CACNA1E: variants seen among roughly 807,000 people sequenced by gnomAD.
CACNA1E encodes the protein calcium voltage-gated channel subunit alpha1 E.
In CACNA1E, 40 loss-of-function variants were observed where a neutral mutation model predicts 259.2. The ratio of observed to expected loss-of-function variants is 0.15; its 90% CI spans 0.12 to 0.20. The LOEUF (loss-of-function observed/expected upper bound fraction) is 0.20, where lower values mean the gene tolerates loss of function less well. CACNA1E is among the 10% of genes least tolerant of loss of function. The pLI, the probability that CACNA1E is intolerant of heterozygous loss-of-function variation, is 1.00. For synonymous variants in CACNA1E, 1,104 were observed against 1,138.5 expected (o/e 0.97, Z 0.61); for missense variants, 1,874 against 3,040.1 (o/e 0.62, Z 9.02).
At chr1:181,402,523 T>C (rs1657175580) in intron 1 of CACNA1E, among the ~76,000 whole-genome samples, 2 of 152,250 alleles carry the variant, frequency 1.3e-5, no homozygotes, top group South Asian at 4.1e-4. Flanking sequence ...TGCTCTGTGA[T>C]GATGCTGCTT....
intron 3 of CACNA1E, among the ~76,000 whole-genome samples, chr1:181,568,661 T>C (rs1650090438): frequency 1.3e-5 from 2 of 152,180 alleles, no homozygotes; most frequent in African/African-American, 4.8e-5. Context: ...AGTGGCATGA[T>C]CGTGATTCAC....
At chr1:181,638,662 A>G (rs1203045456) in intron 6 of CACNA1E, among the ~76,000 whole-genome samples, 1 of 152,132 alleles carries the variant, frequency 6.6e-6, no homozygotes, top group East Asian at 1.9e-4. Context: ...TAATCCCTAT[A>G]ATCCTCACAA....
intron 6 of CACNA1E, among the ~76,000 whole-genome samples, chr1:181,617,979 T>C (rs1411598585): frequency 6.6e-6 from 1 of 152,202 alleles, no homozygotes; most frequent in Non-Finnish European, 1.5e-5. Context: ...GTTCCTTTTA[T>C]TTTTTTCAAA....
At chr1:181,526,377 T>C (rs1667358800) in intron 3 of CACNA1E, among the ~76,000 whole-genome samples, 1 of 151,574 alleles carries the variant, frequency 6.6e-6, no homozygotes, top group Non-Finnish European at 1.5e-5. Flanking sequence ...TACACTGCCT[T>C]CCTAATTTAT....
intron 42 of CACNA1E, 89 bp from the exon 43 acceptor site, chr1:181,785,624 C>T: frequency 1.1e-6 from 1 of 946,750 alleles, no homozygotes; most frequent in South Asian, 1.3e-5. Context: ...AAGTTATGTG[C>T]CTGTATTATC....
intron 6 of CACNA1E, among the ~76,000 whole-genome samples, chr1:181,639,390 G>A (rs953246690): frequency 6.6e-6 from 1 of 152,204 alleles, no homozygotes. Context: ...GCCCAGCCGA[G>A]TAGATGCTTA....
intron 1 of CACNA1E, among the ~76,000 whole-genome samples, chr1:181,501,991 G>A (rs1167873861): frequency 6.6e-6 from 1 of 152,122 alleles, no homozygotes; most frequent in Non-Finnish European, 1.5e-5. Context: ...ATTGCACAAG[G>A]AAAGCAATGA....
intron 7 of CACNA1E, among the ~76,000 whole-genome samples, chr1:181,687,641 C>G (rs1650714970): frequency 6.6e-6 from 1 of 152,122 alleles, no homozygotes; most frequent in South Asian, 2.1e-4. Context: ...AAGGATACAG[C>G]CAATGGACAC....
rs1231827061 is a variant in CACNA1E at position 181,806,256 on chromosome 1, A to G, written c.*7422A>G. The G allele has an allele frequency of 2.0e-5, 3 of 152,434 alleles. No homozygotes were observed. In the South Asian group the frequency reaches 6.2e-4, roughly 32 times the overall value. The allele number at this position is 152,434 out of a possible 1,614,324, so 9.4% of individuals were successfully genotyped here. A position where few individuals can be genotyped will look rare whatever the true frequency, so the allele number is the denominator to read the frequency against. On this transcript the variant is annotated 3_prime_UTR_variant, in exon 48 of 48. Transcript: ENST00000367573. Reference sequence around the variant, plus strand: ...AGGGCCAGTGAGTGGGATGGGAATGAGCTTCATCAGGAACAGATTTCAGAC... The same window carrying G: ...AGGGCCAGTGAGTGGGATGGGAATGGGCTTCATCAGGAACAGATTTCAGAC...
At chr1:181,707,923 C>G (rs765968166) in intron 7 of CACNA1E, among the ~76,000 whole-genome samples, 1 of 152,162 alleles carries the variant, frequency 6.6e-6, no homozygotes, top group African/African-American at 2.4e-5. Context: ...TAGTAAAGGT[C>G]TGACTGCAAG....
In CACNA1E at chr1:181,413,351, TC is replaced by T; in HGVS notation, c.209del (p.Pro70ArgfsTer37). ...GGACGAGGTGGGCATGCTGCCGGCT[TC>T]CCCGCGCGCCGCCTCTGGCTTCGAC... On this transcript the variant is annotated frameshift_variant, in exon 2 of 12. Coordinates refer to the CACNA1E transcript ENST00000524607. LOFTEE classifies it high-confidence loss of function. 1 of 152,614 alleles carries T rather than the reference TC, an allele frequency of 6.6e-6. No homozygotes were observed. 9.5% of individuals were successfully genotyped at this position (152,614 alleles called of 1,614,324 possible). A position where few individuals can be genotyped will look rare whatever the true frequency, so the allele number is the denominator to read the frequency against.
At chr1:181,727,189 G>C (rs1364770057) in intron 18 of CACNA1E, among the ~76,000 whole-genome samples, 2 of 152,236 alleles carry the variant, frequency 1.3e-5, no homozygotes, top group Non-Finnish European at 2.9e-5. Flanking sequence ...TAAGTCATTA[G>C]TATGGGTCAG....
chr1:181,542,717 T>C (rs1188929976), intron 3 of CACNA1E, among the ~76,000 whole-genome samples: 1 of 151,990 alleles, frequency 6.6e-6, no homozygotes, highest in African/African-American at 2.4e-5. Context: ...CTTTCCCTTA[T>C]AAATTACCCA....
At chr1:181,719,069 G>C (rs1654192363) in intron 12 of CACNA1E, among the ~76,000 whole-genome samples, 1 of 152,190 alleles carries the variant, frequency 6.6e-6, no homozygotes, top group African/African-American at 2.4e-5. Flanking sequence ...GCAATTTTCA[G>C]GCATAACAGC....
rs144458772 is a variant in CACNA1E at position 181,693,764 on chromosome 1, T to C, written c.1056-17190T>C. ...ACACAATATACTCATGTAACAAATCTGCACATGTACCCTCTGAATCTAAAA... is the reference window on the plus strand; with the variant it reads ...ACACAATATACTCATGTAACAAATCCGCACATGTACCCTCTGAATCTAAAA... On this transcript the variant is annotated intron_variant, in intron 7 of 47. Transcript: ENST00000367573. Among the ~76,000 whole-genome samples, 709 of 152,230 alleles carry C rather than the reference T, an allele frequency of 4.7e-3. 27 individuals are homozygous for C. Among genetic ancestry groups the C allele is most frequent in the Admixed American group, 0.04 (605 of 15,280 alleles).
chr1:181,330,174 T>C (rs1026614758), intron 1 of CACNA1E, among the ~76,000 whole-genome samples: 8 of 152,172 alleles, frequency 5.3e-5, no homozygotes, highest in African/African-American at 1.9e-4. Context: ...ATTGGGCTGA[T>C]CAGCTGTTCC....
upstream of CACNA1E, among the ~76,000 whole-genome samples, chr1:181,479,797 A>T (rs1303794235): frequency 6.6e-6 from 1 of 152,210 alleles, no homozygotes; most frequent in Non-Finnish European, 1.5e-5. Flanking sequence ...ATTGGAAGTC[A>T]GATGTGTTAG....
intron 17 of CACNA1E, 48 bp from the exon 18 acceptor site, chr1:181,726,017 T>TC: frequency 7.3e-7 from 1 of 1,361,018 alleles, no homozygotes; most frequent in Non-Finnish European, 1.0e-6. Flanking sequence ...GGGAAGCTAC[T>TC]CTCCTTCCTG....
At chr1:181,547,288 G>T (rs1350151171) in intron 3 of CACNA1E, among the ~76,000 whole-genome samples, 2 of 151,972 alleles carry the variant, frequency 1.3e-5, no homozygotes, top group African/African-American at 4.8e-5. Context: ...GCTTGCCCCT[G>T]ACTCTGGCCA....
Sources: gnomAD v4.1 joint callset for allele counts (sites outside exome capture counted in the v4.1 genomes callset) on GRCh38, gnomAD v4.1.1 for gene constraint, MANE v1.5 for transcripts, NCBI Gene and HGNC (gene_info 2026-07-23, HGNC 2026-07-21) for gene names.